DOCK4: variants seen among roughly 807,000 people sequenced by gnomAD.
DOCK4 encodes dedicator of cytokinesis protein 4.
A neutral mutation model predicts 268.1 loss-of-function variants in DOCK4; 97 were observed. The observed-to-expected ratio is 0.36, with a 90% CI of 0.31 to 0.43. The LOEUF (loss-of-function observed/expected upper bound fraction) is 0.43. Among genes scored for constraint, DOCK4 ranks in the 20% least tolerant of loss-of-function variants. DOCK4 has a pLI of 1.00. For synonymous variants in DOCK4, 954 were observed against 887.2 expected, an observed-to-expected ratio of 1.08 and a Z score of -1.34; for missense variants, 2,145 against 2,455.7, an observed-to-expected ratio of 0.87 and a Z score of 2.67.
chr7:111,846,728 C>T (rs946747718), intron 24 of DOCK4, among the ~76,000 whole-genome samples: 9 of 152,162 alleles, frequency 5.9e-5, no homozygotes, highest in Non-Finnish European at 7.4e-5. Context: ...TAAAGACACA[C>T]GTGGGAGGCT....
intron 1 of DOCK4, among the ~76,000 whole-genome samples, chr7:112,149,800 T>C (rs1285087109): frequency 1.3e-5 from 2 of 152,316 alleles, no homozygotes. Flanking sequence ...CTGATATGCT[T>C]GTCCTATCAA....
intron 11 of DOCK4, among the ~76,000 whole-genome samples, chr7:111,939,816 A>C (rs1048953843): frequency 6.6e-6 from 1 of 152,186 alleles, no homozygotes; most frequent in Non-Finnish European, 1.5e-5. Context: ...TGACTGTCTG[A>C]AGGTAAAGAC....
chr7:111,815,611 T>TTTATTTCC (rs1357180943), intron 27 of DOCK4, among the ~76,000 whole-genome samples: 2 of 151,098 alleles, frequency 1.3e-5, no homozygotes, highest in African/African-American at 4.9e-5. Flanking sequence ...CATTTATTTA[T>TTTATTTCC]TTCCTTCCTT....
intron 13 of DOCK4, among the ~76,000 whole-genome samples, chr7:111,903,030 T>A (rs1791274846): frequency 6.6e-6 from 1 of 151,690 alleles, no homozygotes; most frequent in Non-Finnish European, 1.5e-5. Context: ...TAATAAAAAA[T>A]TTCCCCATAA....
intron 12 of DOCK4, among the ~76,000 whole-genome samples, chr7:111,924,099 T>G (rs1378986209): frequency 6.6e-6 from 1 of 152,226 alleles, no homozygotes; most frequent in East Asian, 1.9e-4. Flanking sequence ...TTCCATTTTT[T>G]TATGATGTTT....
intron 1 of DOCK4, among the ~76,000 whole-genome samples, chr7:112,094,677 T>G (rs1809944164): frequency 6.6e-6 from 1 of 151,416 alleles, no homozygotes; most frequent in South Asian, 2.1e-4. Flanking sequence ...AACTAGGGAG[T>G]TAATAGAGTT....
At chr7:111,886,240 TA>T (rs1433026587) in intron 16 of DOCK4, among the ~76,000 whole-genome samples, 2 of 152,236 alleles carry the variant, frequency 1.3e-5, no homozygotes, top group African/African-American at 4.8e-5. Flanking sequence ...TACCAGTTAA[TA>T]AAAACCAGAT....
chr7:112,080,426 T>G (rs544267502), intron 1 of DOCK4, among the ~76,000 whole-genome samples: 53 of 152,314 alleles, frequency 3.5e-4, no homozygotes, highest in African/African-American at 1.3e-3. Flanking sequence ...ATAAACAAAA[T>G]TTTGAGCTTC....
chr7:112,098,293 C>G (rs1249288387), intron 1 of DOCK4, among the ~76,000 whole-genome samples: 1 of 152,070 alleles, frequency 6.6e-6, no homozygotes, highest in Non-Finnish European at 1.5e-5. Flanking sequence ...ATTCTCCTGC[C>G]TCTACCTCCT....
chr7:112,184,144 G>C (rs778375878), intron 1 of DOCK4, among the ~76,000 whole-genome samples: 1 of 152,280 alleles, frequency 6.6e-6, no homozygotes, highest in African/African-American at 2.4e-5. Context: ...CTAATGCACA[G>C]ACCTGTATTT....
chr7:111,945,508 A>C (rs753664746), intron 9 of DOCK4, among the ~76,000 whole-genome samples: 2 of 152,350 alleles, frequency 1.3e-5, no homozygotes, highest in Middle Eastern at 3.4e-3. Flanking sequence ...CTTTGGTAAT[A>C]GTATAACAGA....
At chr7:112,205,882 CG>C (rs1821362729) in intron 1 of DOCK4, among the ~76,000 whole-genome samples, 1 of 152,142 alleles carries the variant, frequency 6.6e-6, no homozygotes, top group Admixed American at 6.5e-5. Context: ...CCCGGCGCTT[CG>C]GGAACCAGTG....
chr7:112,095,805 G>C (rs942846348), intron 1 of DOCK4, among the ~76,000 whole-genome samples: 3 of 152,042 alleles, frequency 2.0e-5, no homozygotes, highest in Non-Finnish European at 4.4e-5. Flanking sequence ...TTTTAGGCCA[G>C]GTGTGGTGGC....
chr7:111,774,203 T>G (rs1032386372), intron 36 of DOCK4, among the ~76,000 whole-genome samples: 8 of 151,948 alleles, frequency 5.3e-5, no homozygotes, highest in African/African-American at 1.5e-4. Context: ...GGTAGCTCAC[T>G]CCTATAATCC....
chr7:111,758,823 T>C lies in DOCK4; in HGVS notation c.4163-33A>G, dbSNP rs767067700. 4.4e-6 allele frequency: 7 copies of C among 1,608,850 alleles called. No homozygotes were observed. In the African/African-American group the frequency reaches 6.7e-5, roughly 15 times the overall value. ...TCAAGAGTCAAGGAGAGAACCTGAC[T>C]TGGCAAACTCCATGGAAGTCTGGCT... On this transcript the variant is annotated intron_variant, in intron 40 of 52. Coordinates refer to ENST00000428084, the MANE Select transcript of DOCK4 (RefSeq NM_001363540.2).
Position 111,747,309 on chromosome 7 carries a change from A to G in DOCK4, c.4551T>C (p.Val1517=). The part of the protein sequence containing the change: ...INPLTMCLNG[V]IDAAVNGGVS... ...CGCCACCATTAACTGCAGCATCTAT[A>G]ACTCCATTCAGGCACATAGTCAGGG... Residue 1517 remains valine, a synonymous_variant, in exon 43 of 53, where the codon GTT becomes GTC. Coordinates refer to ENST00000428084, the MANE Select transcript of DOCK4 (RefSeq NM_001363540.2). 6.2e-7 allele frequency: 1 copy of G among 1,613,676 alleles called. No homozygotes were observed. The highest frequency in any genetic ancestry group is 1.1e-5 in the South Asian group (1 of 91,054).
chr7:111,870,372 G>T (rs1373305196), intron 20 of DOCK4, among the ~76,000 whole-genome samples: 2 of 138,002 alleles, frequency 1.4e-5, no homozygotes, highest in Admixed American at 7.7e-5. Context: ...CACCCAGGCT[G>T]GTGTGCAGTG....
intron 16 of DOCK4, among the ~76,000 whole-genome samples, chr7:111,886,355 G>A (rs918584208): frequency 9.9e-5 from 15 of 152,120 alleles, no homozygotes; most frequent in Non-Finnish European, 2.1e-4. Flanking sequence ...CCAAATATTT[G>A]TCAGCCTTCC....
chr7:111,986,953 G>A (rs1799101432), intron 6 of DOCK4, among the ~76,000 whole-genome samples: 1 of 152,144 alleles, frequency 6.6e-6, no homozygotes, highest in Non-Finnish European at 1.5e-5. Context: ...ATTTCATCTG[G>A]TTTAATAGGC....
Sources: allele counts gnomAD v4.1 joint callset (sites outside exome capture counted in the v4.1 genomes callset), GRCh38; gene constraint gnomAD v4.1.1; transcripts MANE v1.5; gene names NCBI Gene and HGNC (gene_info 2026-07-23, HGNC 2026-07-21).